PRR16: variants seen among roughly 807,000 people sequenced by gnomAD.
The protein encoded by PRR16 is proline rich 16, also known as protein Largen.
PRR16 carries 6 observed loss-of-function variants against 18.2 expected under a neutral mutation model. The ratio of observed to expected loss-of-function variants is 0.33; its 90% CI spans 0.18 to 0.65. The LOEUF is 0.65. Ranked by LOEUF, PRR16 falls within the 30% of genes least tolerant of loss-of-function variation. The pLI is 0.74. For synonymous variants in PRR16, 151 were observed against 147.8 expected, an observed-to-expected ratio of 1.02 and a Z score of -0.16; for missense variants, 412 against 376.6, an observed-to-expected ratio of 1.09 and a Z score of -0.78.
the PRR16 span, among the ~76,000 whole-genome samples, chr5:120,700,662 G>A: frequency 6.6e-6 from 1 of 151,976 alleles, no homozygotes; most frequent in African/African-American, 2.4e-5. Flanking sequence ...AGGTTTAGAA[G>A]CCTGGCCATC....
intron 1 of PRR16, among the ~76,000 whole-genome samples, chr5:120,623,497 G>A (rs1485926785): frequency 6.6e-6 from 1 of 152,094 alleles, no homozygotes; most frequent in Non-Finnish European, 1.5e-5. Context: ...ACATTACTCA[G>A]TTTCTTCTTG....
At chr5:120,620,874 C>A (rs1292582047) in intron 1 of PRR16, among the ~76,000 whole-genome samples, 2 of 152,158 alleles carry the variant, frequency 1.3e-5, no homozygotes, top group Non-Finnish European at 2.9e-5. Context: ...TCATTAGCTT[C>A]TCCCCATCGT....
At chr5:120,612,643 A>G (rs1754372694) in intron 1 of PRR16, among the ~76,000 whole-genome samples, 1 of 152,164 alleles carries the variant, frequency 6.6e-6, no homozygotes, top group African/African-American at 2.4e-5. Flanking sequence ...CTCCCCAGCC[A>G]TGTAGAACTA....
chr5:120,667,196 A>G (rs907258351), intron 1 of PRR16, among the ~76,000 whole-genome samples: 8 of 134,798 alleles, frequency 5.9e-5, no homozygotes, highest in African/African-American at 1.8e-4. Context: ...GGGAGAGTGT[A>G]TGTGTCGAGG....
At position 120,596,321 on chromosome 5, in the gene PRR16, G is replaced by A. The variant is rs149558244; in HGVS notation, c.160-89633G>A. On this transcript the variant is annotated intron_variant, in intron 1 of 1. Coordinates refer to ENST00000407149, the MANE Select transcript of PRR16 (RefSeq NM_001300783.2). ...TACAGTGGGACAGACTCAGTCCCCA[G>A]GGTGAAGTTAAAACATCTGAAGGAA... Among the ~76,000 whole-genome samples, 920 of 151,690 alleles carry A rather than the reference G, an allele frequency of 6.1e-3. 10 individuals carry two copies. Among genetic ancestry groups the A allele is most frequent in the South Asian group, 0.042 (204 of 4,810 alleles).
intron 1 of PRR16, among the ~76,000 whole-genome samples, chr5:120,510,426 G>C (rs1010718442): frequency 4.6e-5 from 7 of 152,176 alleles, no homozygotes; most frequent in Non-Finnish European, 1.0e-4. Context: ...TTGCTAAAAT[G>C]AAAAATTACT....
chr5:120,763,729 T>G, the PRR16 span, among the ~76,000 whole-genome samples: 35 of 152,238 alleles, frequency 2.3e-4, no homozygotes, highest in East Asian at 4.4e-3. Flanking sequence ...TCAATTTCTT[T>G]CATCAGTTTT....
the PRR16 span, among the ~76,000 whole-genome samples, chr5:120,778,812 A>C: frequency 6.6e-6 from 1 of 152,172 alleles, no homozygotes; most frequent in Non-Finnish European, 1.5e-5. Flanking sequence ...GGAAAAAAGA[A>C]GTGGGGTTTT....
At chr5:120,573,035 AT>A (rs903904302) in intron 1 of PRR16, among the ~76,000 whole-genome samples, 2 of 152,078 alleles carry the variant, frequency 1.3e-5, no homozygotes, top group Non-Finnish European at 2.9e-5. Flanking sequence ...TCCATAATGC[AT>A]TTTTTTAGTA....
chr5:120,602,113 A>G (rs940497805), intron 1 of PRR16, among the ~76,000 whole-genome samples: 1 of 152,034 alleles, frequency 6.6e-6, no homozygotes, highest in Non-Finnish European at 1.5e-5. Context: ...TGATGTTGGT[A>G]TTTTGATAGG....
At chr5:120,670,314 A>G (rs1756555218) in intron 1 of PRR16, among the ~76,000 whole-genome samples, 1 of 152,154 alleles carries the variant, frequency 6.6e-6, no homozygotes, top group South Asian at 2.1e-4. Flanking sequence ...CTGTTTTCAT[A>G]AAGAAAAAAA....
At chr5:120,486,981 G>A (rs4895257) in intron 1 of PRR16, among the ~76,000 whole-genome samples, 1 of 151,246 alleles carries the variant, frequency 6.6e-6, no homozygotes, top group Non-Finnish European at 1.5e-5. Flanking sequence ...ATTTCTGAGG[G>A]CTCTGTTCTG....
chr5:120,686,112 C>T lies in PRR16; in HGVS notation c.318C>T (p.Pro106=). Residue 106 remains proline, a synonymous_variant, in exon 2 of 2, where the codon CCC becomes CCT. Coordinates refer to ENST00000407149, the MANE Select transcript of PRR16 (RefSeq NM_001300783.2). ...KVQANAPLIK[P]PAHPSAILTV... Reference sequence around the variant, plus strand: ...AGGCTAATGCACCGCTTATTAAACCCCCAGCACACCCGTCTGCTATCCTCA... The same window carrying T: ...AGGCTAATGCACCGCTTATTAAACCTCCAGCACACCCGTCTGCTATCCTCA... 1.2e-6 allele frequency: 2 copies of T among 1,614,088 alleles called. No individual in the cohort carries two copies. The highest frequency in any genetic ancestry group is 1.3e-5 in the African/African-American group (1 of 75,004).
At chr5:120,614,599 A>G (rs1374237955) in intron 1 of PRR16, among the ~76,000 whole-genome samples, 3 of 152,202 alleles carry the variant, frequency 2.0e-5, no homozygotes, top group Non-Finnish European at 2.9e-5. Flanking sequence ...GCCTTGTCTG[A>G]GACTGTGTCT....
chr5:120,503,961 C>T (rs1002978028), intron 1 of PRR16, among the ~76,000 whole-genome samples: 3 of 151,982 alleles, frequency 2.0e-5, no homozygotes, highest in Non-Finnish European at 4.4e-5. Flanking sequence ...CCTACAAAGG[C>T]CATGAACTCA....
chr5:120,542,470 C>G (rs901680810), intron 1 of PRR16, among the ~76,000 whole-genome samples: 1 of 151,826 alleles, frequency 6.6e-6, no homozygotes, highest in Non-Finnish European at 1.5e-5. Flanking sequence ...AAGACATTAA[C>G]ATGGATAAAT....
chr5:120,693,002 T>TC, the PRR16 span, among the ~76,000 whole-genome samples: 1 of 152,138 alleles, frequency 6.6e-6, no homozygotes, highest in Non-Finnish European at 1.5e-5. Context: ...AAATGAATTG[T>TC]CCCCCAAATA....
At chr5:120,634,471 C>G (rs561020415) in intron 1 of PRR16, among the ~76,000 whole-genome samples, 217 of 152,158 alleles carry the variant, frequency 1.4e-3, no homozygotes, top group South Asian at 3.1e-3. Flanking sequence ...TGGTGAAACG[C>G]CATCTCTACT....
At chr5:120,675,507 A>G (rs572258350) in intron 1 of PRR16, among the ~76,000 whole-genome samples, 1 of 152,128 alleles carries the variant, frequency 6.6e-6, no homozygotes, top group Non-Finnish European at 1.5e-5. Flanking sequence ...CAAATTTGAA[A>G]TCCTTCTGGG....
Sources: allele counts gnomAD v4.1 joint callset (sites outside exome capture counted in the v4.1 genomes callset), GRCh38; gene constraint gnomAD v4.1.1; transcripts MANE v1.5; gene names NCBI Gene and HGNC (gene_info 2026-07-23, HGNC 2026-07-21).